CYP4V2: variants seen among roughly 807,000 people sequenced by gnomAD.
CYP4V2 encodes cytochrome P450 4V2.
A neutral mutation model predicts 60.8 loss-of-function variants in CYP4V2; 55 were observed. The observed-to-expected ratio is 0.90, with a 90% CI of 0.73 to 1.13. The LOEUF is 1.13. Ranked by LOEUF, CYP4V2 falls within the 50% of genes most tolerant of loss-of-function variation. CYP4V2 has a pLI of 0.00. For synonymous variants in CYP4V2, 239 were observed against 236.8 expected (o/e 1.01, Z -0.08); for missense variants, 675 against 662.9 (o/e 1.02, Z -0.20).
Position 186,211,372 on chromosome 4 carries a change from G to A in CYP4V2, c.*731G>A, listed in dbSNP as rs1232697612. ...TCTGTCGCCCAGGCTGGAACGCAGT[G>A]GTGACATCTCGGCTCACTGCAACCT... On this transcript the variant is annotated 3_prime_UTR_variant, in exon 11 of 11. Transcript: ENST00000378802. 2 of 151,748 alleles carry A rather than the reference G, an allele frequency of 1.3e-5. No homozygotes were observed. The highest frequency in any genetic ancestry group is 2.9e-5 in the Non-Finnish European group (2 of 67,990). The allele number at this position is 151,748 out of a possible 1,614,324, so 9.4% of individuals were successfully genotyped here.
At chr4:186,201,421 C>A in intron 7 of CYP4V2, 79 bp downstream of exon 7, 1 of 1,504,438 alleles carries the variant, frequency 6.6e-7, no homozygotes, top group Non-Finnish European at 9.1e-7. Flanking sequence ...TTTTTTAAAA[C>A]AATCAAATTT....
At chr4:186,193,481 C>T (rs1402419825) in intron 1 of CYP4V2, among the ~76,000 whole-genome samples, 1 of 152,112 alleles carries the variant, frequency 6.6e-6, no homozygotes, top group Non-Finnish European at 1.5e-5. Context: ...TCAGGAAAAC[C>T]ACTGTTCAAT....
rs751913598 is a variant in CYP4V2 at position 186,197,494 on chromosome 4, G to A, written c.605-39G>A. ...AAAATAAACACGAGATAACTAACGT[G>A]CGTGAATTGAATGGTTGCTTCTCAC... On this transcript the variant is annotated intron_variant, in intron 4 of 10. Transcript: ENST00000378802. 25 of 1,595,362 alleles carry A rather than the reference G, an allele frequency of 1.6e-5. No homozygotes were observed. The East Asian group carries it at 5.6e-4, about 36-fold the overall frequency.
intron 8 of CYP4V2, among the ~76,000 whole-genome samples, chr4:186,208,238 G>A (rs975764244): frequency 1.3e-5 from 2 of 148,852 alleles, no homozygotes; most frequent in African/African-American, 5.0e-5. Context: ...CTTCTTTGAA[G>A]GGTATTTGAT....
chr4:186,194,913 G>C (rs1736106676), intron 2 of CYP4V2, among the ~76,000 whole-genome samples: 1 of 152,190 alleles, frequency 6.6e-6, no homozygotes, highest in Non-Finnish European at 1.5e-5. Context: ...GCAAGCACTT[G>C]TTATCCACCA....
chr4:186,200,081 A>G (rs192282010), intron 6 of CYP4V2, among the ~76,000 whole-genome samples: 1,924 of 129,838 alleles, frequency 0.015, 38 homozygotes, highest in African/African-American at 0.05. Context: ...TTTTTCCTTA[A>G]ATTTTGTGCA....
intron 2 of CYP4V2, among the ~76,000 whole-genome samples, chr4:186,194,830 C>A (rs1736102326): frequency 6.6e-6 from 1 of 152,202 alleles, no homozygotes; most frequent in Admixed American, 6.5e-5. Flanking sequence ...CAACTGCTAT[C>A]AGGTCCCTTT....
intron 8 of CYP4V2, among the ~76,000 whole-genome samples, chr4:186,208,107 C>T (rs1270389759): frequency 6.6e-6 from 1 of 151,134 alleles, no homozygotes; most frequent in Non-Finnish European, 1.5e-5. Context: ...GTACCTTGAT[C>T]CACGTGTTCT....
chr4:186,209,781 G>C (rs538692790), intron 10 of CYP4V2, among the ~76,000 whole-genome samples: 1 of 152,152 alleles, frequency 6.6e-6, no homozygotes, highest in Non-Finnish European at 1.5e-5. Flanking sequence ...TAAGGTATGG[G>C]GGGGGCTTAG....
In CYP4V2 at chr4:186,199,056, T is replaced by C; in HGVS notation, c.774T>C (p.Leu258=). The C allele has an allele frequency of 1.9e-6, 3 of 1,614,048 alleles. No individual in the cohort carries two copies. The highest frequency in any genetic ancestry group is 2.5e-6 in the Non-Finnish European group (3 of 1,179,888). ...AAGGATGGGAACACAAAAAGAGCCT[T>C]CAGATCCTACATACTTTTACCAACA... ...FKEGWEHKKS[L]QILHTFTNSV... The change falls in exon 6 of 11, where the codon CTT becomes CTC. Residue 258 remains leucine, a synonymous_variant. Transcript: ENST00000378802.
At chr4:186,198,027 ATTC>A (rs1736207695) in intron 5 of CYP4V2, among the ~76,000 whole-genome samples, 1 of 152,064 alleles carries the variant, frequency 6.6e-6, no homozygotes, top group Non-Finnish European at 1.5e-5. Flanking sequence ...TTTTGTTGTT[ATTC>A]TTCTTCCCAT....
At chr4:186,199,205 C>T in intron 6 of CYP4V2, 122 bp downstream of exon 6, 1 of 1,086,860 alleles carries the variant, frequency 9.2e-7, no homozygotes, top group Middle Eastern at 2.7e-4. Flanking sequence ...CAACCATCCC[C>T]ACCGTTCATT....
intron 10 of CYP4V2, among the ~76,000 whole-genome samples, chr4:186,209,770 C>T (rs187911440): frequency 5.3e-5 from 8 of 152,266 alleles, no homozygotes; most frequent in Admixed American, 3.9e-4. Context: ...CAGTCATATT[C>T]TAAGGTATGG....
chr4:186,201,621 C>G (rs1369367826), intron 7 of CYP4V2: 2 of 309,486 alleles, frequency 6.5e-6, no homozygotes, highest in Middle Eastern at 2.2e-3. Flanking sequence ...AGAAGAGCAG[C>G]CAGAGATTGC....
intron 7 of CYP4V2, chr4:186,204,924 C>T (rs1242663145): frequency 4.1e-6 from 2 of 483,754 alleles, no homozygotes; most frequent in Non-Finnish European, 7.6e-6. Context: ...CACCTCGTGC[C>T]CATGGAACGC....
intron 4 of CYP4V2, 192 bp from the exon 5 acceptor site, chr4:186,197,341 G>A (rs917679602): frequency 8.4e-6 from 7 of 838,286 alleles, no homozygotes; most frequent in African/African-American, 3.4e-5. Flanking sequence ...CCAGGGAGGC[G>A]AAGGGAAGGA....
chr4:186,201,649 G>A, intron 7 of CYP4V2: 1 of 288,256 alleles, frequency 3.5e-6, no homozygotes, highest in Non-Finnish European at 6.7e-6. Context: ...TCTCCATGTG[G>A]CTTCAGGCTT....
intron 7 of CYP4V2, 111 bp from the exon 8 acceptor site, chr4:186,205,089 C>T (rs1736456816): frequency 6.2e-6 from 6 of 974,268 alleles, no homozygotes; most frequent in South Asian, 5.2e-5. Context: ...CTTATGTTTG[C>T]AGTCACAGTG....
intron 7 of CYP4V2, chr4:186,202,941 T>A (rs948798024): frequency 8.6e-5 from 13 of 151,254 alleles, no homozygotes; most frequent in African/African-American, 3.2e-4. Context: ...TGCATACACA[T>A]ACATGCACAC....
Sources: gnomAD v4.1 joint callset for allele counts (sites outside exome capture counted in the v4.1 genomes callset) on GRCh38, gnomAD v4.1.1 for gene constraint, MANE v1.5 for transcripts, NCBI Gene and HGNC (gene_info 2026-07-23, HGNC 2026-07-21) for gene names.